HDAC9: variants seen among roughly 807,000 people sequenced by gnomAD.
The protein encoded by HDAC9 is histone deacetylase 9, also known as MEF-2 interacting transcription repressor (MITR) protein.
A neutral mutation model predicts 139.4 loss-of-function variants in HDAC9; 41 were observed. That is an observed-to-expected ratio of 0.29 (90% CI 0.23 to 0.38). The LOEUF is 0.38. Ranked by LOEUF, HDAC9 falls within the 10% of genes least tolerant of loss-of-function variation. HDAC9 has a pLI of 1.00. For synonymous variants in HDAC9, 517 were observed against 476.2 expected, an observed-to-expected ratio of 1.09 and a Z score of -1.12; for missense variants, 1,147 against 1,297.0, an observed-to-expected ratio of 0.88 and a Z score of 1.78.
intron 25 of HDAC9, among the ~76,000 whole-genome samples, chr7:18,989,009 C>G (rs1260122068): frequency 1.1e-5 from 1 of 90,928 alleles, no homozygotes; most frequent in Non-Finnish European, 2.5e-5. Context: ...GGTCTTGACT[C>G]TCTATCCAAT....
At chr7:18,793,186 A>G (rs1242462125) in intron 16 of HDAC9, 159 bp from the exon 17 acceptor site, 8 of 614,294 alleles carry the variant, frequency 1.3e-5, no homozygotes, top group Non-Finnish European at 2.4e-5. Flanking sequence ...GACTAATGTT[A>G]TTGTACATAG....
intron 22 of HDAC9, among the ~76,000 whole-genome samples, chr7:18,895,678 A>G (rs180754787): frequency 2.0e-5 from 3 of 152,194 alleles, no homozygotes; most frequent in African/African-American, 7.2e-5. Context: ...GTTAATGCTG[A>G]GATTTAAAAA....
chr7:18,982,688 T>A (rs1486008250), intron 25 of HDAC9, among the ~76,000 whole-genome samples: 1 of 152,166 alleles, frequency 6.6e-6, no homozygotes, highest in Non-Finnish European at 1.5e-5. Context: ...CACCGTCAAT[T>A]ATGTTTGCCT....
At chr7:18,119,749 A>G (rs1252162809) in intron 1 of HDAC9, among the ~76,000 whole-genome samples, 2 of 152,218 alleles carry the variant, frequency 1.3e-5, no homozygotes, top group Admixed American at 6.5e-5. Flanking sequence ...TATTTTGGTC[A>G]CAGCTCTGCT....
chr7:18,968,617 T>C (rs1336133311), intron 24 of HDAC9, among the ~76,000 whole-genome samples: 1 of 151,938 alleles, frequency 6.6e-6, no homozygotes, highest in Non-Finnish European at 1.5e-5. Context: ...AGAACCCAAA[T>C]AGGGTCCAGT....
chr7:18,745,497 A>G (rs1787856389), intron 13 of HDAC9, among the ~76,000 whole-genome samples: 1 of 152,008 alleles, frequency 6.6e-6, no homozygotes, highest in Non-Finnish European at 1.5e-5. Flanking sequence ...AAATAGTGAA[A>G]AAGTTAAGCA....
At chr7:18,957,851 G>A (rs1388479040) in intron 24 of HDAC9, among the ~76,000 whole-genome samples, 1 of 152,120 alleles carries the variant, frequency 6.6e-6, no homozygotes, top group Non-Finnish European at 1.5e-5. Context: ...AGGTTCTGAA[G>A]GGTTCTTTTG....
intron 1 of HDAC9, among the ~76,000 whole-genome samples, chr7:18,160,620 T>G (rs2128126502): frequency 6.6e-6 from 1 of 152,206 alleles, no homozygotes. Context: ...GTATTTATTA[T>G]TATTATTATT....
chr7:18,820,721 CA>C (rs1794901284), intron 17 of HDAC9, among the ~76,000 whole-genome samples: 1 of 152,072 alleles, frequency 6.6e-6, no homozygotes, highest in South Asian at 2.1e-4. Context: ...GTAAATCTAG[CA>C]GCTAAAATGG....
chr7:18,319,993 A>G (rs2128634283), intron 1 of HDAC9, among the ~76,000 whole-genome samples: 1 of 152,324 alleles, frequency 6.6e-6, no homozygotes, highest in African/African-American at 2.4e-5. Flanking sequence ...TGTTAACCTT[A>G]ACAATTCACA....
chr7:18,810,817 A>G (rs1463600544), intron 17 of HDAC9, among the ~76,000 whole-genome samples: 1 of 151,872 alleles, frequency 6.6e-6, no homozygotes, highest in Non-Finnish European at 1.5e-5. Flanking sequence ...TGTTTACGTG[A>G]TACATCCATG....
chr7:18,142,025 C>T (rs564401635), intron 1 of HDAC9, among the ~76,000 whole-genome samples: 1 of 152,048 alleles, frequency 6.6e-6, no homozygotes, highest in East Asian at 1.9e-4. Flanking sequence ...TGACCCTAGT[C>T]CTTTATTGTG....
chr7:18,891,778 T>C (rs1159195033), intron 22 of HDAC9, among the ~76,000 whole-genome samples: 14 of 152,078 alleles, frequency 9.2e-5, no homozygotes, highest in Admixed American at 6.5e-4. Context: ...TATTCACATC[T>C]ATTTAAGGGC....
chr7:18,147,651 A>ATAATTTTTTT lies in HDAC9; in HGVS notation c.-96-14575_-96-14574insTTTTTTTTAA, dbSNP rs879759797. 4.6e-3 allele frequency among the ~76,000 whole-genome samples: 700 copies of ATAATTTTTTT among 151,920 alleles called. 2 individuals are homozygous for ATAATTTTTTT. Among genetic ancestry groups the ATAATTTTTTT allele is most frequent in the Non-Finnish European group, 7.4e-3 (500 of 67,936 alleles). On this transcript the variant is annotated intron_variant, in intron 1 of 12. Coordinates refer to the HDAC9 transcript ENST00000417496. ...TCAGGACTCATTTTTTTTTTAAGCA[A>ATAATTTTTTT]TAAGGCATTTAAAATATAGTTGAAG...
chr7:18,996,434 C>A lies in HDAC9; in HGVS notation c.*372C>A. 5.9e-6 allele frequency: 1 copy of A among 170,524 alleles called. No homozygotes were observed. The allele number at this position is 170,524 out of a possible 1,614,324, so 10.6% of individuals were successfully genotyped here. A position where few individuals can be genotyped will look rare whatever the true frequency, so the allele number is the denominator to read the frequency against. On this transcript the variant is annotated 3_prime_UTR_variant, in exon 26 of 26. Transcript: ENST00000686413. ...CTATGACAGCCAGTGAAATTTTGGG[C>A]AAAACCTGAGACATAGTCATTCCTG...
chr7:18,859,856 A>ATATATATATATATG (rs1554381815), intron 21 of HDAC9, among the ~76,000 whole-genome samples: 3 of 117,258 alleles, frequency 2.6e-5, no homozygotes, highest in African/African-American at 6.5e-5. Flanking sequence ...ATATATATAT[A>ATATATATATATATG]TATGTGAGAG....
intron 16 of HDAC9, among the ~76,000 whole-genome samples, chr7:18,772,129 G>A (rs984795905): frequency 1.2e-4 from 18 of 152,014 alleles, no homozygotes; most frequent in Admixed American, 1.1e-3. Flanking sequence ...GAAAGAATAG[G>A]GTGTGGAGGT....
intron 2 of HDAC9, among the ~76,000 whole-genome samples, chr7:18,187,068 T>C (rs1467083827): frequency 2.0e-5 from 3 of 152,230 alleles, no homozygotes; most frequent in Non-Finnish European, 2.9e-5. Context: ...TCAGTCTTCA[T>C]AGAATTATAG....
chr7:18,936,988 G>A (rs545815181), intron 23 of HDAC9, among the ~76,000 whole-genome samples: 2 of 149,800 alleles, frequency 1.3e-5, no homozygotes, highest in East Asian at 3.9e-4. Flanking sequence ...AAAAATATGA[G>A]AGAGAAAACT....
Sources: gnomAD v4.1 joint callset for allele counts (sites outside exome capture counted in the v4.1 genomes callset) on GRCh38, gnomAD v4.1.1 for gene constraint, MANE v1.5 for transcripts, NCBI Gene and HGNC (gene_info 2026-07-23, HGNC 2026-07-21) for gene names.